CYFIP1: variants seen among roughly 807,000 people sequenced by gnomAD.
The protein encoded by CYFIP1 is cytoplasmic FMR1-interacting protein 1.
A neutral mutation model predicts 163.5 loss-of-function variants in CYFIP1; 58 were observed. The observed-to-expected ratio is 0.35, with a 90% CI of 0.29 to 0.44. CYFIP1 has a LOEUF of 0.44. Ranked by LOEUF, CYFIP1 falls within the 20% of genes least tolerant of loss-of-function variation. The pLI, the probability that CYFIP1 is intolerant of heterozygous loss-of-function variation, is 1.00. For missense variants in CYFIP1, 1,338 were observed against 1,653.8 expected (o/e 0.81, Z 3.31); for synonymous variants, 663 against 660.7 (o/e 1.00, Z -0.05).
intron 26 of CYFIP1, among the ~76,000 whole-genome samples, chr15:22,879,634 T>C (rs1377556466): frequency 6.7e-6 from 1 of 150,072 alleles, no homozygotes; most frequent in Non-Finnish European, 1.5e-5. Flanking sequence ...GCACACCAAA[T>C]ATGTTCATTT....
intron 11 of CYFIP1, among the ~76,000 whole-genome samples, chr15:22,931,702 A>AAAAAAAAAAC (rs2061542928): frequency 6.6e-6 from 1 of 150,714 alleles, no homozygotes; most frequent in Non-Finnish European, 1.5e-5. Flanking sequence ...AAAAAAAAAA[A>AAAAAAAAAAC]AAAAAAAAGC....
intron 1 of CYFIP1, among the ~76,000 whole-genome samples, chr15:22,978,352 C>CAAAAAAAAAAAAAAAAAAA (rs397976366): frequency 3.8e-5 from 2 of 52,764 alleles, no homozygotes; most frequent in East Asian, 6.9e-4. Flanking sequence ...GACTCTGTCA[C>CAAAAAAAAAAAAAAAAAAA]AAAAAAAAAA....
intron 26 of CYFIP1, chr15:22,875,478 G>C (rs1204543709): frequency 1.7e-5 from 10 of 583,532 alleles, no homozygotes; most frequent in Middle Eastern, 2.9e-4. Context: ...TGCCTAGTAA[G>C]TACTTGGAAT....
intron 1 of CYFIP1, among the ~76,000 whole-genome samples, chr15:22,979,912 T>C (rs1057414257): frequency 3.3e-5 from 5 of 152,150 alleles, no homozygotes; most frequent in African/African-American, 1.2e-4. Flanking sequence ...AACACTAAGG[T>C]ATTCCTTCGC....
chr15:22,976,632 A>C (rs890904457), intron 1 of CYFIP1, among the ~76,000 whole-genome samples: 2 of 152,214 alleles, frequency 1.3e-5, no homozygotes, highest in African/African-American at 4.8e-5. Context: ...TATAACTTTT[A>C]TTCAGTATAT....
chr15:22,939,546 C>A, intron 6 of CYFIP1, 39 bp from the exon 7 acceptor site: 12 of 831,414 alleles, frequency 1.4e-5, no homozygotes, highest in East Asian at 2.7e-5. Context: ...AATGCACCAA[C>A]GTGCCACATT....
chr15:22,926,946 ATGAC>A (rs1245875316), intron 12 of CYFIP1, among the ~76,000 whole-genome samples: 12 of 152,340 alleles, frequency 7.9e-5, no homozygotes, highest in African/African-American at 2.9e-4. Flanking sequence ...TGCAAACTGT[ATGAC>A]TGTATTAAAT....
intron 6 of CYFIP1, among the ~76,000 whole-genome samples, chr15:22,942,109 G>A (rs1171721797): frequency 6.6e-6 from 1 of 152,254 alleles, no homozygotes; most frequent in African/African-American, 2.4e-5. Flanking sequence ...GTGCAGAGCT[G>A]ATGATTTTAG....
At chr15:22,874,696 A>G in intron 27 of CYFIP1, 52 bp from the exon 28 acceptor site, 1 of 1,252,968 alleles carries the variant, frequency 8.0e-7, no homozygotes, top group Non-Finnish European at 1.1e-6. Flanking sequence ...ATGAAACGGT[A>G]ATTGCAAAGG....
chr15:22,970,920 C>T (rs2063072490), intron 1 of CYFIP1, among the ~76,000 whole-genome samples: 1 of 151,896 alleles, frequency 6.6e-6, no homozygotes, highest in Non-Finnish European at 1.5e-5. Flanking sequence ...ACTAAAAATA[C>T]AAAAAATTAG....
intron 26 of CYFIP1, among the ~76,000 whole-genome samples, chr15:22,877,732 C>T (rs779710945): frequency 6.6e-5 from 10 of 152,156 alleles, no homozygotes; most frequent in African/African-American, 2.2e-4. Context: ...GGGTCCCCAC[C>T]GAGCCTGTGG....
chr15:22,894,636 C>G (rs567031285), intron 22 of CYFIP1, among the ~76,000 whole-genome samples: 1 of 151,828 alleles, frequency 6.6e-6, no homozygotes, highest in African/African-American at 2.4e-5. Flanking sequence ...AATGTTTTCC[C>G]TGCTTAGAAT....
chr15:22,886,542 C>A (rs2059931817), intron 23 of CYFIP1, among the ~76,000 whole-genome samples: 1 of 151,980 alleles, frequency 6.6e-6, no homozygotes, highest in African/African-American at 2.4e-5. Flanking sequence ...CCTCTTCAAC[C>A]CAAGGATTAT....
intron 1 of CYFIP1, among the ~76,000 whole-genome samples, chr15:22,960,802 T>C (rs988489389): frequency 1.3e-5 from 2 of 152,292 alleles, no homozygotes; most frequent in South Asian, 2.1e-4. Flanking sequence ...TGCAGATGAC[T>C]TTCCTAGCAG....
chr15:22,871,094 C>T (rs892759631), intron 30 of CYFIP1, among the ~76,000 whole-genome samples: 4 of 152,134 alleles, frequency 2.6e-5, no homozygotes, highest in Admixed American at 6.5e-5. Flanking sequence ...ACCTCCAATT[C>T]GGCTAAAGCG....
In CYFIP1 at chr15:22,869,592, G is replaced by GA. The variant is rs1187581622; in HGVS notation, c.*435dup. On this transcript the variant is annotated 3_prime_UTR_variant, in exon 31 of 31. Coordinates refer to ENST00000617928, the MANE Select transcript of CYFIP1 (RefSeq NM_014608.6). Reference sequence around the variant, plus strand: ...TCTGAAACACACAAAAAAGGGATGGGAACAATGACTTAGAACTAAGATTGC... The same window carrying GA: ...TCTGAAACACACAAAAAAGGGATGGGAAACAATGACTTAGAACTAAGATTGC... 1.3e-5 allele frequency: 2 copies of GA among 153,382 alleles called. No homozygotes were observed. Among genetic ancestry groups the GA allele is most frequent in the African/African-American group, 4.8e-5 (2 of 41,492 alleles). The allele number at this position is 153,382 out of a possible 1,614,324, so 9.5% of individuals were successfully genotyped here.
At chr15:22,907,834 T>C (rs527409465) in intron 21 of CYFIP1, among the ~76,000 whole-genome samples, 1 of 152,182 alleles carries the variant, frequency 6.6e-6, no homozygotes, top group Non-Finnish European at 1.5e-5. Context: ...CTCCAGCATG[T>C]GTAGTTGGGT....
intron 1 of CYFIP1, among the ~76,000 whole-genome samples, chr15:22,948,656 C>T (rs902104179): frequency 6.6e-6 from 1 of 152,106 alleles, no homozygotes; most frequent in Non-Finnish European, 1.5e-5. Context: ...ATCCACCCGA[C>T]TTTAAAGCAA....
chr15:22,949,491 G>C (rs752086370), intron 1 of CYFIP1, among the ~76,000 whole-genome samples: 5 of 152,194 alleles, frequency 3.3e-5, no homozygotes, highest in Non-Finnish European at 5.9e-5. Flanking sequence ...GAACCACAAA[G>C]CAGAGGCAGT....
Sources: allele counts gnomAD v4.1 joint callset (sites outside exome capture counted in the v4.1 genomes callset), GRCh38; gene constraint gnomAD v4.1.1; transcripts MANE v1.5; gene names NCBI Gene and HGNC (gene_info 2026-07-23, HGNC 2026-07-21).